Variants in UNC80 observed in about 807,000 individuals in gnomAD.
The protein encoded by UNC80 is protein unc-80 homolog.
Under a neutral mutation model 384.6 loss-of-function variants are expected in UNC80, and 164 were observed. The ratio of observed to expected loss-of-function variants is 0.43; its 90% confidence interval spans 0.38 to 0.49. The LOEUF is 0.49. UNC80 is among the 20% of genes least tolerant of loss of function. The probability of loss-of-function intolerance (pLI) is 0.00; values close to 1 mark genes in which losing one functional copy is unlikely to be tolerated. For synonymous variants in UNC80, 1,486 were observed against 1,527.8 expected (o/e 0.97, Z 0.64); for missense variants, 3,330 against 4,143.0 (o/e 0.80, Z 5.39).
chr2:209,817,496 T>C (rs1313902475), intron 10 of UNC80, among the ~76,000 whole-genome samples: 1 of 151,274 alleles, frequency 6.6e-6, no homozygotes, highest in Admixed American at 6.6e-5. Context: ...AAAATATATA[T>C]ATTATATATA....
Position 209,813,604 on chromosome 2 carries a change from C to T in UNC80, c.963C>T (p.Cys321=), listed in dbSNP as rs1322416434. Residue 321 remains cysteine (C), a synonymous_variant, in exon 8 of 65, where the codon TGC becomes TGT. Coordinates refer to ENST00000673920, the MANE Select transcript of UNC80 (RefSeq NM_001371986.1). ...GGGCCTCTCTTGTGATACCTCCGTG[C>T]CAAAGGTCCCGCTATGCCACCTACT... ...HSRASLVIPP[C]QRSRYATYFD... 1 of 1,551,712 alleles carries T rather than the reference C, an allele frequency of 6.4e-7. No individual in the cohort carries two copies. Among genetic ancestry groups the T allele is most frequent in the Admixed American group, 2.0e-5 (1 of 51,006 alleles).
intron 22 of UNC80, among the ~76,000 whole-genome samples, chr2:209,854,328 TA>T (rs5838186): frequency 0.18 from 26,675 of 151,920 alleles, 3,220 homozygotes; most frequent in African/African-American, 0.34. Flanking sequence ...AAATGTAGCA[TA>T]AAAAAATGCT....
chr2:209,843,886 C>T (rs1023553124), intron 21 of UNC80, among the ~76,000 whole-genome samples: 1 of 152,120 alleles, frequency 6.6e-6, no homozygotes, highest in African/African-American at 2.4e-5. Context: ...GCAAAACATG[C>T]CTATGATATC....
intron 41 of UNC80, 36 bp downstream of exon 41, chr2:209,936,969 G>T: frequency 7.0e-7 from 1 of 1,423,510 alleles, no homozygotes; most frequent in Non-Finnish European, 9.7e-7. Flanking sequence ...GTTGAGTTGT[G>T]CCAAAGGCTT....
intron 47 of UNC80, chr2:209,951,558 A>G (rs965584865): frequency 2.0e-5 from 3 of 152,100 alleles, no homozygotes; most frequent in African/African-American, 7.3e-5. Flanking sequence ...CAGCCTCCCA[A>G]AGTGCTGGGA....
At chr2:209,977,750 T>C (rs948841815) in intron 58 of UNC80, among the ~76,000 whole-genome samples, 1 of 152,204 alleles carries the variant, frequency 6.6e-6, no homozygotes, top group African/African-American at 2.4e-5. Flanking sequence ...AAGGTATTCT[T>C]TGAGAGTACA....
chr2:209,863,065 A>C (rs2083458014), intron 22 of UNC80, among the ~76,000 whole-genome samples: 1 of 152,156 alleles, frequency 6.6e-6, no homozygotes, highest in Non-Finnish European at 1.5e-5. Flanking sequence ...CTTGTTTGGA[A>C]AGGATTTTAT....
At position 209,772,124 on chromosome 2, in the gene UNC80, A is replaced by G; in HGVS notation, c.52A>G (p.Ile18Val). The change falls in exon 1 of 65, where the codon ATC becomes GTC. Residue 18 changes from isoleucine to valine, a missense_variant. Transcript: ENST00000673920. Reference protein sequence around the residue: ...EGQEQDGGRGIPLPIQTFLWR... With the variant: ...EGQEQDGGRGVPLPIQTFLWR... Reference sequence around the variant, plus strand: ...CCAGGAGCAGGACGGCGGCCGCGGCATCCCCCTGCCCATCCAGACCTTCCT... The same window carrying G: ...CCAGGAGCAGGACGGCGGCCGCGGCGTCCCCCTGCCCATCCAGACCTTCCT... 1 of 1,548,834 alleles carries G rather than the reference A, an allele frequency of 6.5e-7. No homozygotes were observed. Among genetic ancestry groups the G allele is most frequent in the Non-Finnish European group, 8.7e-7 (1 of 1,146,204 alleles).
At chr2:209,835,152 A>T in intron 18 of UNC80, 142 bp downstream of exon 18, 1 of 613,706 alleles carries the variant, frequency 1.6e-6, no homozygotes, top group African/African-American at 1.8e-5. Flanking sequence ...TTCATTCCCA[A>T]TGCCACTAAC....
chr2:209,893,969 G>A (rs1254049399), intron 26 of UNC80, among the ~76,000 whole-genome samples, 194 bp from the exon 27 acceptor site: 1 of 152,150 alleles, frequency 6.6e-6, no homozygotes, highest in East Asian at 1.9e-4. Flanking sequence ...TGAGCTTTGT[G>A]TCCAAGAAAT....
rs536214935 is a variant in UNC80, at chr2:209,943,533, A to G, written c.7050+19A>G. Reference sequence around the variant, plus strand: ...ATTTCCTGTAAGTAAGCTCTGTGGGAAAAAAAAATGAAGACCAACAAAATG... The same window carrying G: ...ATTTCCTGTAAGTAAGCTCTGTGGGGAAAAAAAATGAAGACCAACAAAATG... On this transcript the variant is annotated intron_variant, in intron 45 of 64. Transcript: ENST00000673920. 19 of 1,523,860 alleles carry G rather than the reference A, an allele frequency of 1.2e-5. No homozygotes were observed. Among genetic ancestry groups the G allele is most frequent in the South Asian group, 1.1e-4 (9 of 80,910 alleles). 94.4% of individuals were successfully genotyped at this position (1,523,860 alleles called of 1,614,324 possible). A position where few individuals can be genotyped will look rare whatever the true frequency, so the allele number is the denominator to read the frequency against.
intron 21 of UNC80, among the ~76,000 whole-genome samples, chr2:209,849,052 C>G (rs1405689368): frequency 6.6e-6 from 1 of 152,056 alleles, no homozygotes; most frequent in African/African-American, 2.4e-5. Context: ...CAATGCTGTA[C>G]CAATGCTGTA....
At chr2:209,968,190 G>C (rs537438444) in intron 52 of UNC80, 16 of 152,366 alleles carry the variant, frequency 1.1e-4, no homozygotes, top group African/African-American at 3.9e-4. Context: ...TCTTTGTTCA[G>C]TGACCTGGGA....
intron 1 of UNC80, 33 bp downstream of exon 1, chr2:209,772,197 C>T: frequency 6.8e-7 from 1 of 1,480,514 alleles, no homozygotes; most frequent in East Asian, 2.9e-5. Flanking sequence ...CGCGGGCCGC[C>T]CTGGGCTGGG....
chr2:209,912,894 C>T (rs1002987407), intron 30 of UNC80, among the ~76,000 whole-genome samples: 1 of 152,032 alleles, frequency 6.6e-6, no homozygotes, highest in African/African-American at 2.4e-5. Context: ...TCGGTTCGAA[C>T]CACAGCTCTC....
At position 209,976,210 on chromosome 2, in the gene UNC80, G is replaced by T. The variant is rs1456890218; in HGVS notation, c.8679G>T (p.Lys2893Asn). 6.4e-7 allele frequency: 1 copy of T among 1,551,706 alleles called. No individual in the cohort carries two copies. The highest frequency in any genetic ancestry group is 8.7e-7 in the Non-Finnish European group (1 of 1,146,990). Residue 2893 changes from lysine (K) to asparagine (N), a missense_variant, in exon 57 of 65, where the codon AAG becomes AAT. By Grantham distance (94) the Lys-to-Asn change is moderately conservative. Coordinates refer to ENST00000673920, the MANE Select transcript of UNC80 (RefSeq NM_001371986.1). The surrounding 1 kb of genome is among the most constrained non-coding windows in gnomAD (Gnocchi z 4.3). ...SLQVKEMALRKVGGLALWDFL... is the reference protein window; with the variant it reads ...SLQVKEMALRNVGGLALWDFL... ...AGGTGAAGGAGATGGCTCTGCGGAA[G>T]GTGGGAGGCCTGGCCCTTTGGGATT...
chr2:209,787,632 T>C (rs1034847033), intron 5 of UNC80, among the ~76,000 whole-genome samples: 5 of 152,150 alleles, frequency 3.3e-5, no homozygotes, highest in Admixed American at 1.3e-4. Flanking sequence ...CATGGTAACA[T>C]AGTGCAAGGC....
intron 35 of UNC80, among the ~76,000 whole-genome samples, chr2:209,924,452 G>A (rs1687399210): frequency 1.3e-5 from 2 of 152,082 alleles, no homozygotes; most frequent in Admixed American, 6.6e-5. Flanking sequence ...CTTTACTGAG[G>A]ACCACTTTGG....
At chr2:209,946,278 G>A (rs2091910544) in intron 47 of UNC80, among the ~76,000 whole-genome samples, 1 of 151,848 alleles carries the variant, frequency 6.6e-6, no homozygotes, top group South Asian at 2.1e-4. Flanking sequence ...CTTGAGGCAG[G>A]AGGATTGCTT....
Sources: allele counts gnomAD v4.1 joint callset (sites outside exome capture counted in the v4.1 genomes callset), GRCh38; gene constraint gnomAD v4.1.1; non-coding constraint Gnocchi (gnomAD v3.1); transcripts MANE v1.5; gene names NCBI Gene and HGNC (gene_info 2026-07-23, HGNC 2026-07-21).